The following OLFM3 variants were observed in gnomAD, a reference collection of about 807,000 sequenced individuals.
The protein encoded by OLFM3 is olfactomedin 3.
Under a neutral mutation model 48.6 loss-of-function variants are expected in OLFM3, and 20 were observed. That is an observed-to-expected ratio of 0.41 (90% CI 0.29 to 0.60). The LOEUF is 0.60. Among genes scored for constraint, OLFM3 ranks in the 20% least tolerant of loss-of-function variants. The probability of loss-of-function intolerance (pLI) is 0.28; values close to 1 mark genes in which losing one functional copy is unlikely to be tolerated. For missense variants in OLFM3, 437 were observed against 544.3 expected (o/e 0.80, Z 1.96); for synonymous variants, 222 against 198.1 (o/e 1.12, Z -1.01).
At chr1:101,975,660 A>G (rs1044480938) in intron 1 of OLFM3, among the ~76,000 whole-genome samples, 1 of 152,146 alleles carries the variant, frequency 6.6e-6, no homozygotes, top group African/African-American at 2.4e-5. Context: ...ATTATTATTA[A>G]TGCTTGCAAC....
rs75943205 is a variant in OLFM3 at position 101,870,019 on chromosome 1, C to A, written c.70-32994G>T. On this transcript the variant is annotated intron_variant, in intron 1 of 5. Transcript: ENST00000370103. ...AGGTAATTATGAAATAATTGACCAG[C>A]TAAAATGCTTAGTGTAATGCCAGAA... Among the ~76,000 whole-genome samples, 30 of 152,228 alleles carry A rather than the reference C, an allele frequency of 2.0e-4. No homozygotes were observed. The East Asian group carries it at 5.4e-3, about 27-fold the overall frequency.
At chr1:101,829,202 C>G (rs989651528) in intron 3 of OLFM3, among the ~76,000 whole-genome samples, 1 of 152,206 alleles carries the variant, frequency 6.6e-6, no homozygotes, top group Non-Finnish European at 1.5e-5. Flanking sequence ...TCTTCATCCT[C>G]ATATTCTTCT....
At chr1:101,933,933 C>T (rs545500084) in intron 1 of OLFM3, among the ~76,000 whole-genome samples, 1 of 152,130 alleles carries the variant, frequency 6.6e-6, no homozygotes, top group Admixed American at 6.5e-5. Flanking sequence ...TTCATTAACA[C>T]CTGACCTGCC....
At chr1:101,948,237 G>A (rs1660017999) in intron 1 of OLFM3, among the ~76,000 whole-genome samples, 1 of 152,024 alleles carries the variant, frequency 6.6e-6, no homozygotes, top group African/African-American at 2.4e-5. Context: ...CTGTGATACT[G>A]ATAATAAATT....
intron 1 of OLFM3, among the ~76,000 whole-genome samples, chr1:101,913,279 G>A (rs1570624985): frequency 6.6e-6 from 1 of 152,152 alleles, no homozygotes. Flanking sequence ...GATGAAACTG[G>A]ATCAGCAAAG....
chr1:101,913,298 T>C (rs139139023), intron 1 of OLFM3, among the ~76,000 whole-genome samples: 3,768 of 152,310 alleles, frequency 0.025, 62 homozygotes, highest in Middle Eastern at 0.034. Context: ...AGTTTGAGGT[T>C]ACTAATTCTG....
chr1:101,827,341 A>T (rs1228630324), intron 3 of OLFM3, among the ~76,000 whole-genome samples: 1 of 151,144 alleles, frequency 6.6e-6, no homozygotes, highest in Non-Finnish European at 1.5e-5. Flanking sequence ...TTTGAGACGG[A>T]GTCTCACTCT....
chr1:101,915,667 T>G (rs762152606), intron 1 of OLFM3, among the ~76,000 whole-genome samples: 1 of 152,168 alleles, frequency 6.6e-6, no homozygotes, highest in Non-Finnish European at 1.5e-5. Context: ...TAATCATCTT[T>G]GCAAGGTAGA....
chr1:101,807,102 T>C (rs557516225), intron 4 of OLFM3, among the ~76,000 whole-genome samples: 4 of 151,924 alleles, frequency 2.6e-5, no homozygotes, highest in African/African-American at 9.6e-5. Context: ...ATTATGCTTA[T>C]CTTTCTTTTT....
intron 1 of OLFM3, among the ~76,000 whole-genome samples, chr1:101,939,990 G>T (rs746612897): frequency 3.3e-5 from 5 of 150,368 alleles, no homozygotes; most frequent in Non-Finnish European, 5.9e-5. Flanking sequence ...ATAAAATTAT[G>T]GTGAAAAAAT....
intron 1 of OLFM3, among the ~76,000 whole-genome samples, chr1:101,971,501 C>T (rs1250114857): frequency 2.6e-5 from 4 of 152,192 alleles, no homozygotes; most frequent in Non-Finnish European, 4.4e-5. Flanking sequence ...ACAGCCCCAC[C>T]TGTTGACAGA....
In OLFM3 at chr1:101,863,473, C is replaced by T. The variant is rs1206058874; in HGVS notation, c.70-26448G>A. Among the ~76,000 whole-genome samples, 3 of 152,276 alleles carry T rather than the reference C, an allele frequency of 2.0e-5. No homozygotes were observed. The South Asian group carries it at 6.2e-4, about 32-fold the overall frequency. ...ATACAGCCCAGATTTTTGACCATTT[C>T]TCTTATGATATGCTTTCAGAGCTTC... On this transcript the variant is annotated intron_variant, in intron 1 of 5. Coordinates refer to ENST00000370103, the MANE Select transcript of OLFM3 (RefSeq NM_058170.4).
intron 1 of OLFM3, among the ~76,000 whole-genome samples, chr1:101,847,730 G>A (rs1247788186): frequency 6.6e-6 from 1 of 152,150 alleles, no homozygotes; most frequent in African/African-American, 2.4e-5. Flanking sequence ...TGAGAATGAA[G>A]GCTTTGCTTC....
intron 1 of OLFM3, among the ~76,000 whole-genome samples, chr1:101,851,411 C>A (rs1656216728): frequency 6.6e-6 from 1 of 152,066 alleles, no homozygotes; most frequent in African/African-American, 2.4e-5. Context: ...CTATTTTTGA[C>A]AAGAAATACC....
intron 1 of OLFM3, among the ~76,000 whole-genome samples, chr1:101,939,647 C>T (rs1310031755): frequency 6.6e-6 from 1 of 152,130 alleles, no homozygotes; most frequent in Non-Finnish European, 1.5e-5. Context: ...AAGGAGTAGA[C>T]TCAATGTGTG....
intron 1 of OLFM3, among the ~76,000 whole-genome samples, chr1:101,883,198 T>A (rs767479570): frequency 2.4e-4 from 36 of 151,672 alleles, no homozygotes; most frequent in Non-Finnish European, 4.7e-4. Context: ...ATTACAGTTT[T>A]AAAAAAATCA....
chr1:101,843,022 A>G (rs1570552168), intron 1 of OLFM3, among the ~76,000 whole-genome samples: 1 of 152,168 alleles, frequency 6.6e-6, no homozygotes, highest in African/African-American at 2.4e-5. Context: ...ATTTGGGGGG[A>G]AAAACAGTCA....
chr1:101,992,078 C>G (rs187410122), intron 1 of OLFM3, among the ~76,000 whole-genome samples: 1 of 151,976 alleles, frequency 6.6e-6, no homozygotes, highest in Admixed American at 6.6e-5. Flanking sequence ...TCACAGCTTC[C>G]CCAAAGTCAC....
chr1:101,804,147 A>T lies in OLFM3; in HGVS notation c.*91T>A. On this transcript the variant is annotated 3_prime_UTR_variant, in exon 6 of 6. Transcript: ENST00000370103. The surrounding 1 kb of genome is among the most constrained non-coding windows in gnomAD (Gnocchi z 4.5). ...AATGCTTTGCTTTGGAGAAATGATG[A>T]AAAATAATAGTGAAGAAAAAAACGG... is the stretch of plus-strand genomic sequence containing the variant. 1 of 1,015,396 alleles carries T rather than the reference A, an allele frequency of 9.8e-7. No individual in the cohort carries two copies. Among genetic ancestry groups the T allele is most frequent in the South Asian group, 1.9e-5 (1 of 51,714 alleles). The allele number at this position is 1,015,396 out of a possible 1,614,324, so 62.9% of individuals were successfully genotyped here.
Sources: allele counts gnomAD v4.1 joint callset (sites outside exome capture counted in the v4.1 genomes callset), GRCh38; gene constraint gnomAD v4.1.1; non-coding constraint Gnocchi (gnomAD v3.1); transcripts MANE v1.5; gene names NCBI Gene and HGNC (gene_info 2026-07-23, HGNC 2026-07-21).